Variants in CSMD1 observed in about 807,000 individuals in gnomAD.
CSMD1 encodes the protein CUB and sushi domain-containing protein 1.
A neutral mutation model predicts 417.5 loss-of-function variants in CSMD1; 213 were observed. The observed-to-expected ratio is 0.51, with a 90% confidence interval of 0.46 to 0.57. The LOEUF is 0.57. Among genes scored for constraint, CSMD1 ranks in the 20% least tolerant of loss-of-function variants. The probability of loss-of-function intolerance (pLI) is 0.00; values close to 1 mark genes in which losing one functional copy is unlikely to be tolerated. For missense variants in CSMD1, 6,923 were observed against 4,529.7 expected, an observed-to-expected ratio of 1.53 and a Z score of -15.17; for synonymous variants, 2,862 against 1,736.8, an observed-to-expected ratio of 1.65 and a Z score of -16.11.
At chr8:4,437,923 A>C (rs10088937) in intron 2 of CSMD1, among the ~76,000 whole-genome samples, 18,187 of 152,140 alleles carry the variant, frequency 0.12, 1,243 homozygotes, top group African/African-American at 0.17. Context: ...CTTGGACATC[A>C]ACCTGCTTAA....
At chr8:4,360,623 G>C (rs1024987004) in intron 3 of CSMD1, among the ~76,000 whole-genome samples, 28 of 146,596 alleles carry the variant, frequency 1.9e-4, no homozygotes, top group Non-Finnish European at 3.4e-4. Context: ...CAGAGTAGCT[G>C]AGACTACAGG....
chr8:3,091,392 G>A, intron 48 of CSMD1, 124 bp downstream of exon 48: 3 of 630,114 alleles, frequency 4.8e-6, no homozygotes, highest in South Asian at 6.8e-5. Context: ...TATTTCTACT[G>A]TAGTTAATTA....
At chr8:3,421,040 G>A (rs112326971) in intron 12 of CSMD1, among the ~76,000 whole-genome samples, 103 of 152,258 alleles carry the variant, frequency 6.8e-4, no homozygotes, top group African/African-American at 2.4e-3. Context: ...AAGTTTTACT[G>A]TGGTGGTGGT....
intron 3 of CSMD1, among the ~76,000 whole-genome samples, chr8:4,085,237 G>C (rs749972235): frequency 3.3e-5 from 5 of 152,034 alleles, no homozygotes; most frequent in Non-Finnish European, 5.9e-5. Flanking sequence ...ATTGATTTAG[G>C]GACCCTGACA....
At chr8:4,098,261 G>A (rs895635461) in intron 3 of CSMD1, among the ~76,000 whole-genome samples, 4 of 152,104 alleles carry the variant, frequency 2.6e-5, no homozygotes, top group Non-Finnish European at 5.9e-5. Context: ...ATGTACTTCA[G>A]ATGTAATGGC....
chr8:4,615,186 C>G (rs1801405871), intron 2 of CSMD1, among the ~76,000 whole-genome samples: 1 of 152,160 alleles, frequency 6.6e-6, no homozygotes, highest in Non-Finnish European at 1.5e-5. Flanking sequence ...CCCTTACACT[C>G]TCCATGCAAA....
intron 1 of CSMD1, among the ~76,000 whole-genome samples, chr8:4,908,614 G>A (rs201701723): frequency 1.2e-5 from 1 of 86,400 alleles, no homozygotes; most frequent in Non-Finnish European, 2.6e-5. Flanking sequence ...GTCAAGCTCC[G>A]AGTCTTTTCT....
chr8:3,664,999 A>G (rs894640353), intron 7 of CSMD1, among the ~76,000 whole-genome samples: 1 of 152,026 alleles, frequency 6.6e-6, no homozygotes, highest in Non-Finnish European at 1.5e-5. Context: ...TATATTTGAT[A>G]TATATTATTA....
chr8:3,167,368 T>C (rs1338588982), intron 37 of CSMD1, among the ~76,000 whole-genome samples: 1 of 151,986 alleles, frequency 6.6e-6, no homozygotes, highest in Non-Finnish European at 1.5e-5. Flanking sequence ...CACAATTATT[T>C]TTGTGCCAAC....
At chr8:4,098,108 A>C (rs943611832) in intron 3 of CSMD1, among the ~76,000 whole-genome samples, 2 of 152,216 alleles carry the variant, frequency 1.3e-5, no homozygotes, top group African/African-American at 4.8e-5. Context: ...AGGCTGAATT[A>C]AGATGATCTT....
chr8:3,102,981 T>C (rs2129013271), intron 46 of CSMD1, among the ~76,000 whole-genome samples: 1 of 152,160 alleles, frequency 6.6e-6, no homozygotes, highest in South Asian at 2.1e-4. Flanking sequence ...CTAAAGGAGC[T>C]CCCCAAACCT....
chr8:4,551,129 G>A (rs534783178), intron 2 of CSMD1, among the ~76,000 whole-genome samples: 48 of 152,184 alleles, frequency 3.2e-4, no homozygotes, highest in Non-Finnish European at 6.6e-4. Context: ...ACACTGACCT[G>A]GGTCTGGCAA....
At chr8:4,813,206 G>C (rs1421002956) in intron 1 of CSMD1, among the ~76,000 whole-genome samples, 1 of 152,150 alleles carries the variant, frequency 6.6e-6, no homozygotes, top group Non-Finnish European at 1.5e-5. Flanking sequence ...TTGGGCTTAG[G>C]AATATATTCA....
intron 7 of CSMD1, among the ~76,000 whole-genome samples, chr8:3,703,436 T>TTTCATTCATTCA (rs199822463): frequency 5.3e-4 from 79 of 149,928 alleles, no homozygotes; most frequent in Non-Finnish European, 8.3e-4. Flanking sequence ...CTTTCTCCCT[T>TTTCATTCATTCA]TTCATTCATT....
chr8:3,028,940 A>G (rs1045906816), intron 51 of CSMD1, among the ~76,000 whole-genome samples: 3 of 152,198 alleles, frequency 2.0e-5, no homozygotes, highest in African/African-American at 2.4e-5. Context: ...TCTTTATTTG[A>G]GAACACAATA....
chr8:3,431,894 G>T (rs775812691), intron 12 of CSMD1, among the ~76,000 whole-genome samples: 43 of 152,172 alleles, frequency 2.8e-4, no homozygotes, highest in Admixed American at 7.2e-4. Context: ...CTGCTCTTCT[G>T]CAGCACCTCT....
intron 10 of CSMD1, among the ~76,000 whole-genome samples, chr8:3,521,493 T>C (rs888958351): frequency 1.3e-5 from 2 of 152,188 alleles, no homozygotes; most frequent in Admixed American, 1.3e-4. Flanking sequence ...GCTGTGGTCA[T>C]GCCGGTCCCT....
intron 2 of CSMD1, among the ~76,000 whole-genome samples, chr8:4,615,852 T>C (rs1215107436): frequency 6.6e-6 from 1 of 152,174 alleles, no homozygotes; most frequent in Non-Finnish European, 1.5e-5. Flanking sequence ...TGATATATTA[T>C]TCTTTCAAAA....
Position 3,449,289 on chromosome 8 carries a change from G to C in CSMD1, c.1561+19423C>G, listed in dbSNP as rs747022129. 9.2e-5 allele frequency among the ~76,000 whole-genome samples: 14 copies of C among 152,154 alleles called. No homozygotes were observed. In the East Asian group the frequency reaches 1.2e-3, roughly 13 times the overall value. The stretch of plus-strand genomic sequence containing the variant: ...AAAAATATCTGAGAGACTAAACTCA[G>C]CTTCTTTGCTTTTAAAAATGTGAAT... On this transcript the variant is annotated intron_variant, in intron 12 of 69. Coordinates refer to ENST00000635120, the MANE Select transcript of CSMD1 (RefSeq NM_033225.6).
Sources: gnomAD v4.1 joint callset for allele counts (sites outside exome capture counted in the v4.1 genomes callset) on GRCh38, gnomAD v4.1.1 for gene constraint, MANE v1.5 for transcripts, NCBI Gene and HGNC (gene_info 2026-07-23, HGNC 2026-07-21) for gene names.